Variants in SLC25A41 observed in about 807,000 individuals in gnomAD.
The protein encoded by SLC25A41 is solute carrier family 25 member 41.
A neutral mutation model predicts 34.7 loss-of-function variants in SLC25A41; 35 were observed. That is an observed-to-expected ratio of 1.01 (90% CI 0.77 to 1.34). SLC25A41 has a LOEUF of 1.34. Among genes scored for constraint, SLC25A41 ranks in the 40% most tolerant of loss-of-function variants. The pLI is 0.00. For missense variants in SLC25A41, 492 were observed against 489.8 expected, an observed-to-expected ratio of 1.00 and a Z score of -0.04; for synonymous variants, 190 against 209.9, an observed-to-expected ratio of 0.91 and a Z score of 0.82.
At chr19:6,432,502 T>C (rs1223137312) in intron 1 of SLC25A41, among the ~76,000 whole-genome samples, 1 of 110,748 alleles carries the variant, frequency 9.0e-6, no homozygotes, top group Admixed American at 1.1e-4. Flanking sequence ...TTTTTTTTTT[T>C]AGTAGAGATG....
At position 6,429,989 on chromosome 19, in the gene SLC25A41, G is replaced by A; in HGVS notation, c.516+20C>T. The A allele has an allele frequency of 1.9e-6, 3 of 1,608,790 alleles. No individual in the cohort carries two copies. The highest frequency in any genetic ancestry group is 2.5e-6 in the Non-Finnish European group (3 of 1,177,656). On this transcript the variant is annotated intron_variant, in intron 3 of 6. Transcript: ENST00000321510. ...GGGGTTTGGGCTTGAGCTGGGGGAA[G>A]CAGGCCCCTCATTCCCCACCTGCTC...
chr19:6,431,643 T>C (rs1265947210), intron 2 of SLC25A41, among the ~76,000 whole-genome samples: 2 of 152,004 alleles, frequency 1.3e-5, no homozygotes, highest in African/African-American at 4.8e-5. Flanking sequence ...GGTTTCGCCA[T>C]GTTGGCCAGG....
rs768108792 is a variant in SLC25A41 at position 6,432,096 on chromosome 19, A to G, written c.316T>C (p.Ser106Pro). The change falls in exon 2 of 7, where the codon TCT becomes CCT. Residue 106 changes from serine to proline, a missense_variant. Physicochemically the swap from Ser to Pro is moderately conservative, Grantham distance 74. Coordinates refer to ENST00000321510, the MANE Select transcript of SLC25A41 (RefSeq NM_173637.4). ...LLSGAMAGAV[S>P]RTGTAPLDRA... ...TCCAGAGGTGCCGTGCCCGTGCGAG[A>G]CACCGCCCCGGCCATAGCTCCTGAG... 6 of 1,613,814 alleles carry G rather than the reference A, an allele frequency of 3.7e-6. No homozygotes were observed. Among genetic ancestry groups the G allele is most frequent in the Non-Finnish European group, 5.1e-6 (6 of 1,179,856 alleles).
chr19:6,429,605 T>A (rs370453599), intron 4 of SLC25A41, 119 bp downstream of exon 4: 2 of 525,656 alleles, frequency 3.8e-6, no homozygotes, highest in East Asian at 3.8e-5. Flanking sequence ...GAGGGAGAAG[T>A]GTGAGAAAAA....
Position 6,426,133 on chromosome 19 carries a change from C to A in SLC25A41, c.*256G>T. 2.1e-6 allele frequency: 1 copy of A among 472,878 alleles called. No individual in the cohort carries two copies. Among genetic ancestry groups the A allele is most frequent in the Non-Finnish European group, 3.9e-6 (1 of 259,570 alleles). 29.3% of individuals were successfully genotyped at this position (472,878 alleles called of 1,614,324 possible). ...CCACAAGGGGCCAGACTGGAGTCCACGTTTCTTGTCTCAGGCTGCACCCTG... is the reference window on the plus strand; with the variant it reads ...CCACAAGGGGCCAGACTGGAGTCCAAGTTTCTTGTCTCAGGCTGCACCCTG... On this transcript the variant is annotated 3_prime_UTR_variant, in exon 7 of 7. Coordinates refer to ENST00000321510, the MANE Select transcript of SLC25A41 (RefSeq NM_173637.4).
In SLC25A41 at chr19:6,427,567, A is replaced by G; in HGVS notation, c.625-66T>C. 2 of 1,425,056 alleles carry G rather than the reference A, an allele frequency of 1.4e-6. No individual in the cohort carries two copies. Among genetic ancestry groups the G allele is most frequent in the Non-Finnish European group, 1.8e-6 (2 of 1,081,308 alleles). The allele number at this position is 1,425,056 out of a possible 1,614,324, so 88.3% of individuals were successfully genotyped here. On this transcript the variant is annotated intron_variant, in intron 4 of 6. Coordinates refer to ENST00000321510, the MANE Select transcript of SLC25A41 (RefSeq NM_173637.4). The surrounding 1 kb of genome is among the most constrained non-coding windows in gnomAD (Gnocchi z 4.9). ...CCTGTCAATGACCCTCGGGGTAGCC[A>G]TTGTCCCCACCCTACAAACAAGGAA...
At chr19:6,429,509 AGG>A (rs2092273932) in intron 4 of SLC25A41, among the ~76,000 whole-genome samples, 1 of 14,598 alleles carries the variant, frequency 6.9e-5, no homozygotes, top group Non-Finnish European at 1.5e-4. Context: ...AAGGAGGAGG[AGG>A]AGAGGAGGAA....
chr19:6,434,962 C>T (rs922678150), upstream of SLC25A41, among the ~76,000 whole-genome samples: 16 of 151,776 alleles, frequency 1.1e-4, no homozygotes, highest in Non-Finnish European at 1.8e-4. Context: ...GTGGCTCATT[C>T]CTATAATAGC....
At position 6,427,092 on chromosome 19, in the gene SLC25A41, G is replaced by A. The variant is rs747422201; in HGVS notation, c.940+11C>T. Reference sequence around the variant, plus strand: ...AGGGGCATGCGTGGTGGCCGCTGGGGACAGGCTGACCTTGGGCCTGCATCC... The same window carrying A: ...AGGGGCATGCGTGGTGGCCGCTGGGAACAGGCTGACCTTGGGCCTGCATCC... On this transcript the variant is annotated intron_variant, in intron 6 of 6. Transcript: ENST00000321510. The surrounding 1 kb of genome is among the most constrained non-coding windows in gnomAD (Gnocchi z 4.9). 4 of 1,591,574 alleles carry A rather than the reference G, an allele frequency of 2.5e-6. No homozygotes were observed. Among genetic ancestry groups the A allele is most frequent in the African/African-American group, 1.3e-5 (1 of 74,472 alleles).
At chr19:6,430,483 CCCTT>C (rs1251634911) in intron 2 of SLC25A41, 3 of 480,742 alleles carry the variant, frequency 6.2e-6, no homozygotes, top group African/African-American at 2.1e-5. Context: ...CTCCGTTCCT[CCCTT>C]CCTTCTTTTT....
rs1388944488 is a variant in SLC25A41 at position 6,429,539 on chromosome 19, AGAG to A, written c.624+182_624+184del. ...AGGAGGAAGGAGAAAGGAGGAGGAA[AGAG>A]GAGGAGGGAGAAAGGAGGAGGGGAG... On this transcript the variant is annotated intron_variant, in intron 4 of 6. Coordinates refer to ENST00000321510, the MANE Select transcript of SLC25A41 (RefSeq NM_173637.4). Among the ~76,000 whole-genome samples the A allele has an allele frequency of 2.3e-4, 9 of 38,914 alleles. No individual in the cohort carries two copies. In the East Asian group the frequency reaches 3.9e-3, roughly 17 times the overall value. 25.5% of individuals were successfully genotyped at this position (38,914 alleles called of 152,430 possible).
At chr19:6,434,684 A>G (rs1221670504), upstream of SLC25A41, among the ~76,000 whole-genome samples, 4 of 151,996 alleles carry the variant, frequency 2.6e-5, no homozygotes, top group Non-Finnish European at 2.9e-5. Context: ...CGAGGTTGGC[A>G]GATCATCTGA....
chr19:6,429,506 A>AG, intron 4 of SLC25A41, among the ~76,000 whole-genome samples: 2 of 92,740 alleles, frequency 2.2e-5, no homozygotes, highest in African/African-American at 4.2e-5. Flanking sequence ...AGAAAGGAGG[A>AG]GGAGGAGAGG....
chr19:6,433,602 G>A lies in SLC25A41; in HGVS notation c.92C>T (p.Pro31Leu), dbSNP rs1410674750. The A allele has an allele frequency of 1.2e-6, 2 of 1,611,570 alleles. No individual in the cohort carries two copies. Among genetic ancestry groups the A allele is most frequent in the Non-Finnish European group, 8.5e-7 (1 of 1,178,202 alleles). Residue 31 changes from proline (P) to leucine (L), a missense_variant, in exon 1 of 7, where the codon CCT becomes CTT. Physicochemically the swap from Pro to Leu is moderately conservative, Grantham distance 98 (BLOSUM62 -3). Coordinates refer to ENST00000321510, the MANE Select transcript of SLC25A41 (RefSeq NM_173637.4). ...RVKTLLIKAP[P>L]PPQPPPPPPS... ...GGGTGGAGGCGGAGGTTGGGGGGGA[G>A]GCGGGGCTTTGATGAGTAAGGTCTT...
intron 4 of SLC25A41, among the ~76,000 whole-genome samples, chr19:6,428,722 T>G (rs2092256091): frequency 7.3e-6 from 1 of 136,348 alleles, no homozygotes; most frequent in Non-Finnish European, 1.6e-5. Flanking sequence ...TATATATATA[T>G]TTTTTTTGAG....
chr19:6,430,309 C>T, intron 2 of SLC25A41, 148 bp from the exon 3 acceptor site: 1 of 958,768 alleles, frequency 1.0e-6, no homozygotes, highest in Non-Finnish European at 1.5e-6. Flanking sequence ...CAGCTCCTTC[C>T]CCGGCCAGTT....
chr19:6,433,308 C>G (rs1352719139), intron 1 of SLC25A41, among the ~76,000 whole-genome samples, 179 bp downstream of exon 1: 2 of 152,154 alleles, frequency 1.3e-5, no homozygotes, highest in African/African-American at 2.4e-5. Flanking sequence ...CTCAACCTCC[C>G]AAAGTGCTGG....
chr19:6,433,458 G>A (rs1348532800), intron 1 of SLC25A41, 29 bp downstream of exon 1: 1 of 1,606,050 alleles, frequency 6.2e-7, no homozygotes, highest in Admixed American at 1.7e-5. Flanking sequence ...GACCAGAGGT[G>A]CCGGGACACT....
intron 2 of SLC25A41, chr19:6,430,697 A>G: frequency 5.0e-6 from 1 of 200,704 alleles, no homozygotes; most frequent in South Asian, 6.0e-5. Flanking sequence ...CATGTTGGCC[A>G]GGCTGGTCTG....
Sources: gnomAD v4.1 joint callset for allele counts (sites outside exome capture counted in the v4.1 genomes callset) on GRCh38, gnomAD v4.1.1 for gene constraint, Gnocchi (gnomAD v3.1) non-coding constraint, MANE v1.5 for transcripts, NCBI Gene and HGNC (gene_info 2026-07-23, HGNC 2026-07-21) for gene names.